PDGFRB: variants seen among roughly 807,000 people sequenced by gnomAD.
PDGFRB encodes platelet derived growth factor receptor beta.
Under a neutral mutation model 120.2 loss-of-function variants are expected in PDGFRB, and 42 were observed. The ratio of observed to expected loss-of-function variants is 0.35; its 90% CI spans 0.27 to 0.45. The LOEUF is 0.45. Ranked by LOEUF, PDGFRB falls within the 20% of genes least tolerant of loss-of-function variation. PDGFRB has a pLI of 1.00. For missense variants in PDGFRB, 1,149 were observed against 1,476.3 expected (o/e 0.78, Z 3.63); for synonymous variants, 586 against 606.8 (o/e 0.97, Z 0.50).
chr5:150,132,120 A>G lies in PDGFRB; in HGVS notation c.1128-26T>C, dbSNP rs2113905960. The stretch of plus-strand genomic sequence containing the variant: ...CTGGGGAGCAGGAAAGGCAGCTGTC[A>G]GAGTCGGAAGGACTCTTACAGTTCT... On this transcript the variant is annotated intron_variant, in intron 7 of 22. Transcript: ENST00000261799. The surrounding 1 kb of genome is among the most constrained non-coding windows in gnomAD (Gnocchi z 5.0). The G allele has an allele frequency of 8.0e-7, 1 of 1,246,582 alleles. No individual in the cohort carries two copies. Among genetic ancestry groups the G allele is most frequent in the Non-Finnish European group, 1.2e-6 (1 of 845,698 alleles). 77.2% of individuals were successfully genotyped at this position (1,246,582 alleles called of 1,614,324 possible). A position where few individuals can be genotyped will look rare whatever the true frequency, so the allele number is the denominator to read the frequency against.
At chr5:150,141,754 A>ATG (rs58579903) in intron 1 of PDGFRB, among the ~76,000 whole-genome samples, 20,160 of 151,356 alleles carry the variant, frequency 0.13, 1,463 homozygotes, top group East Asian at 0.27. Context: ...GCAGAAGTGT[A>ATG]TGTGTGTGTG....
At chr5:150,137,102 C>A (rs2113915167) in intron 1 of PDGFRB, 49 bp from the exon 2 acceptor site, 3 of 1,504,110 alleles carry the variant, frequency 2.0e-6, no homozygotes, top group South Asian at 2.3e-5. Flanking sequence ...GAGGCAGCGA[C>A]AGGGGCTATC....
At position 150,136,186 on chromosome 5, in the gene PDGFRB, G is replaced by T. The variant is rs376475484; in HGVS notation, c.41-308C>A. On this transcript the variant is annotated intron_variant, in intron 2 of 22. Transcript: ENST00000261799. ...GAAATCCTCGGGAAGCAATTCCCTG[G>T]CCTCCAGTTCCTGCATTGCTTCCCA... 6.6e-5 allele frequency among the ~76,000 whole-genome samples: 10 copies of T among 152,196 alleles called. No homozygotes were observed. The East Asian group carries it at 1.7e-3, about 26-fold the overall frequency.
chr5:150,155,013 C>T (rs1034108699), intron 1 of PDGFRB, among the ~76,000 whole-genome samples: 46 of 152,178 alleles, frequency 3.0e-4, no homozygotes, highest in African/African-American at 1.1e-3. Context: ...CCTGAGGTCC[C>T]CAGTCCCCTG....
At chr5:150,139,302 T>C (rs977884542) in intron 1 of PDGFRB, among the ~76,000 whole-genome samples, 8 of 152,034 alleles carry the variant, frequency 5.3e-5, no homozygotes, top group Admixed American at 3.9e-4. Flanking sequence ...TTACTATGAA[T>C]AGAGCAATCA....
At chr5:150,130,727 A>G in intron 8 of PDGFRB, 65 bp from the exon 9 acceptor site, 1 of 1,440,060 alleles carries the variant, frequency 6.9e-7, no homozygotes, top group Non-Finnish European at 9.6e-7. Flanking sequence ...ACAGGTCCTC[A>G]GGGGAGGACC....
chr5:150,124,186 AGGCGG>A, intron 14 of PDGFRB, 59 bp downstream of exon 14: 1 of 1,067,366 alleles, frequency 9.4e-7, no homozygotes, highest in Non-Finnish European at 1.4e-6. Flanking sequence ...AGGGGGGGGT[AGGCGG>A]GGCCTGGCCT....
chr5:150,118,913 G>C (rs1465028620), intron 20 of PDGFRB, 61 bp from the exon 21 acceptor site: 3 of 1,005,792 alleles, frequency 3.0e-6, no homozygotes, highest in Non-Finnish European at 4.6e-6. Context: ...AGGCAGGGCT[G>C]GGGGAGCAGG....
chr5:150,127,370 C>A (rs1760324411), intron 10 of PDGFRB, among the ~76,000 whole-genome samples: 1 of 152,186 alleles, frequency 6.6e-6, no homozygotes, highest in Non-Finnish European at 1.5e-5. Flanking sequence ...GGAACTCATT[C>A]CCTCCTCTTC....
chr5:150,134,699 T>C, intron 4 of PDGFRB, 51 bp downstream of exon 4: 4 of 1,536,230 alleles, frequency 2.6e-6, no homozygotes, highest in Non-Finnish European at 2.6e-6. Context: ...TATTCCTCTG[T>C]GGAGGGTTAT....
intron 1 of PDGFRB, among the ~76,000 whole-genome samples, chr5:150,155,024 C>T (rs1761192529): frequency 6.6e-6 from 1 of 152,208 alleles, no homozygotes; most frequent in Non-Finnish European, 1.5e-5. Flanking sequence ...CAGTCCCCTG[C>T]TTTCTGTGTA....
In PDGFRB at chr5:150,120,712, C is replaced by G. The variant is rs1159351779; in HGVS notation, c.2586+176G>C. Among the ~76,000 whole-genome samples, 2 of 152,190 alleles carry G rather than the reference C, an allele frequency of 1.3e-5. No individual in the cohort carries two copies. Among genetic ancestry groups the G allele is most frequent in the Non-Finnish European group, 2.9e-5 (2 of 68,020 alleles). On this transcript the variant is annotated intron_variant, in intron 18 of 22. Coordinates refer to ENST00000261799, the MANE Select transcript of PDGFRB (RefSeq NM_002609.4). This position sits in a 1 kb window ranked among gnomAD's most constrained non-coding sequence, Gnocchi z 4.3. ...CTCCATGCACTCCTGGGCGGCTCCC[C>G]ATCCTGTCCCTGCACACATAGCTGG...
chr5:150,115,750 A>G lies in PDGFRB; in HGVS notation c.*13T>C. On this transcript the variant is annotated 3_prime_UTR_variant, in exon 23 of 23. Transcript: ENST00000261799. ...GGGGGAGCTTCAGGCAGGGCAGGGT[A>G]GGGGCCAGCCCCCTACAGGAAGCTA... 1 of 1,575,098 alleles carries G rather than the reference A, an allele frequency of 6.3e-7. No homozygotes were observed. Among genetic ancestry groups the G allele is most frequent in the Non-Finnish European group, 8.6e-7 (1 of 1,159,282 alleles).
rs1279196432 is a variant in PDGFRB at position 150,132,247 on chromosome 5, C to G, written c.1128-153G>C. Among the ~76,000 whole-genome samples the G allele has an allele frequency of 3.3e-5, 5 of 152,136 alleles. No individual in the cohort carries two copies. Among genetic ancestry groups the G allele is most frequent in the African/African-American group, 1.2e-4 (5 of 41,434 alleles). The stretch of plus-strand genomic sequence containing the variant: ...CAGAGCCGGGACTCAAACCAGGTCT[C>G]GTAAATCCTCACCCACAGGCAGTTC... On this transcript the variant is annotated intron_variant, in intron 7 of 22. Transcript: ENST00000261799. The surrounding 1 kb of genome is among the most constrained non-coding windows in gnomAD (Gnocchi z 5.0).
chr5:150,119,269 G>A (rs560500348), intron 20 of PDGFRB, among the ~76,000 whole-genome samples, 198 bp downstream of exon 20: 2 of 152,214 alleles, frequency 1.3e-5, no homozygotes, highest in African/African-American at 2.4e-5. Context: ...CTGAAAATGA[G>A]GCCACACAGA....
At chr5:150,122,990 C>A in intron 15 of PDGFRB, 52 bp downstream of exon 15, 1 of 1,507,808 alleles carries the variant, frequency 6.6e-7, no homozygotes, top group Non-Finnish European at 9.1e-7. Flanking sequence ...GGGGAAGGAG[C>A]GGTGCTCCTC....
At chr5:150,138,142 T>A (rs148203136) in intron 1 of PDGFRB, among the ~76,000 whole-genome samples, 1 of 152,302 alleles carries the variant, frequency 6.6e-6, no homozygotes, top group Non-Finnish European at 1.5e-5. Context: ...AGAGTCTGCC[T>A]GCAGCATTGG....
Position 150,122,055 on chromosome 5 carries a change from G to A in PDGFRB, c.2184-15C>T. The A allele has an allele frequency of 6.2e-7, 1 of 1,611,046 alleles. No individual in the cohort carries two copies. The highest frequency in any genetic ancestry group is 8.5e-7 in the Non-Finnish European group (1 of 1,178,890). On this transcript the variant is annotated splice_polypyrimidine_tract_variant and intron_variant, in intron 15 of 22. Coordinates refer to ENST00000261799, the MANE Select transcript of PDGFRB (RefSeq NM_002609.4). ...AGGACACATGGCTGGGGGTAAAGGAGCATCACAGGAGAGCCTGCAGGCTTT... is the reference window on the plus strand; with the variant it reads ...AGGACACATGGCTGGGGGTAAAGGAACATCACAGGAGAGCCTGCAGGCTTT...
chr5:150,116,236 T>C (rs1024547263), intron 22 of PDGFRB, among the ~76,000 whole-genome samples: 3 of 152,222 alleles, frequency 2.0e-5, no homozygotes, highest in African/African-American at 7.2e-5. Flanking sequence ...CTCCCTCCTC[T>C]GCACTCCTAA....
Sources: gnomAD v4.1 joint callset for allele counts (sites outside exome capture counted in the v4.1 genomes callset) on GRCh38, gnomAD v4.1.1 for gene constraint, Gnocchi (gnomAD v3.1) non-coding constraint, MANE v1.5 for transcripts, NCBI Gene and HGNC (gene_info 2026-07-23, HGNC 2026-07-21) for gene names.